The following FRMPD1 variants were observed in gnomAD, a reference collection of about 807,000 sequenced individuals.
FRMPD1 encodes the protein FERM and PDZ domain-containing protein 1.
In FRMPD1, 76 loss-of-function variants were observed where a neutral mutation model predicts 117.8. The observed-to-expected ratio is 0.65, with a 90% confidence interval of 0.54 to 0.78. The LOEUF (loss-of-function observed/expected upper bound fraction) is 0.78. Ranked by LOEUF, FRMPD1 falls within the 30% of genes least tolerant of loss-of-function variation. The pLI is 0.00. For synonymous variants in FRMPD1, 783 were observed against 770.4 expected (o/e 1.02, Z -0.27); for missense variants, 1,786 against 1,964.5 (o/e 0.91, Z 1.72).
chr9:37,734,208 C>A (rs560221158), intron 12 of FRMPD1, among the ~76,000 whole-genome samples: 2 of 152,100 alleles, frequency 1.3e-5, no homozygotes, highest in African/African-American at 4.8e-5. Context: ...CAAGAGGAAG[C>A]CTGAATTTGG....
the FRMPD1 span, among the ~76,000 whole-genome samples, chr9:37,620,330 G>A: frequency 6.6e-6 from 1 of 152,122 alleles, no homozygotes; most frequent in Non-Finnish European, 1.5e-5. Flanking sequence ...CCACTGACAA[G>A]GCACACAACT....
chr9:37,607,778 C>A, the FRMPD1 span, among the ~76,000 whole-genome samples: 6 of 152,162 alleles, frequency 3.9e-5, no homozygotes, highest in Admixed American at 3.9e-4. Context: ...TAATGAGAAA[C>A]CTCATGGTTT....
intron 9 of FRMPD1, 115 bp downstream of exon 9, chr9:37,731,218 T>C: frequency 1.1e-6 from 1 of 895,032 alleles, no homozygotes; most frequent in Non-Finnish European, 1.8e-6. Context: ...GGATTCTCTT[T>C]ATCTGAAGGA....
intron 12 of FRMPD1, among the ~76,000 whole-genome samples, chr9:37,734,814 C>A (rs1236538583): frequency 6.6e-6 from 1 of 152,076 alleles, no homozygotes; most frequent in African/African-American, 2.4e-5. Context: ...GGGAAAGAGA[C>A]TAGATCACAG....
chr9:37,676,985 A>G lies in FRMPD1; in HGVS notation c.-4-15653A>G, dbSNP rs116374126. On this transcript the variant is annotated intron_variant, in intron 1 of 15. Coordinates refer to ENST00000377765, the MANE Select transcript of FRMPD1 (RefSeq NM_014907.3). ...CTCTACCACACTCAGCACAGATCCC[A>G]GAGGAAAGAGGATCTAATGGAACGA... 3.4e-3 allele frequency among the ~76,000 whole-genome samples: 520 copies of G among 152,338 alleles called. 4 individuals are homozygous for G. The highest frequency in any genetic ancestry group is 0.012 in the African/African-American group (481 of 41,572).
the FRMPD1 span, among the ~76,000 whole-genome samples, chr9:37,630,350 T>C: frequency 6.6e-6 from 1 of 152,226 alleles, no homozygotes; most frequent in South Asian, 2.1e-4. Flanking sequence ...TCTTTCTTTT[T>C]CTTTTTCTTT....
chr9:37,671,403 CTT>C (rs1821347266), intron 1 of FRMPD1, among the ~76,000 whole-genome samples: 1 of 151,888 alleles, frequency 6.6e-6, no homozygotes, highest in Admixed American at 6.6e-5. Flanking sequence ...GTAGGGCTCT[CTT>C]TATAGGGCCT....
chr9:37,668,552 G>T (rs1821241921), intron 1 of FRMPD1: 1 of 152,334 alleles, frequency 6.6e-6, no homozygotes, highest in Non-Finnish European at 1.5e-5. Context: ...AAGAGGTGTG[G>T]ATTTCTTTCC....
chr9:37,653,590 C>A (rs1456032668), intron 1 of FRMPD1, among the ~76,000 whole-genome samples: 1 of 152,128 alleles, frequency 6.6e-6, no homozygotes, highest in Admixed American at 6.5e-5. Context: ...AAGGCTCAAT[C>A]CCTGCCTCAC....
chr9:37,610,497 GGTATAC>G, the FRMPD1 span, among the ~76,000 whole-genome samples: 1 of 151,518 alleles, frequency 6.6e-6, no homozygotes, highest in African/African-American at 2.4e-5. Flanking sequence ...AAAAACAAAT[GGTATAC>G]TGTTTACACT....
chr9:37,709,375 A>G (rs1199494800), intron 4 of FRMPD1, among the ~76,000 whole-genome samples: 1 of 146,396 alleles, frequency 6.8e-6, no homozygotes, highest in East Asian at 2.0e-4. Context: ...TTTTTTTGAG[A>G]TGGGGACTTG....
Position 37,697,365 on chromosome 9 carries a change from C to T in FRMPD1, c.101+4623C>T, listed in dbSNP as rs533823541. On this transcript the variant is annotated intron_variant, in intron 2 of 15. Coordinates refer to ENST00000377765, the MANE Select transcript of FRMPD1 (RefSeq NM_014907.3). ...CTGTAATCCCAGCACTTTGGGAGAC[C>T]ATTCTGGCTAACACGGTGAAATCCC... Among the ~76,000 whole-genome samples the T allele has an allele frequency of 1.7e-4, 26 of 151,990 alleles. No homozygotes were observed. The South Asian group carries it at 2.3e-3, about 13-fold the overall frequency.
At chr9:37,717,229 T>A (rs1323773576) in intron 5 of FRMPD1, among the ~76,000 whole-genome samples, 1 of 151,884 alleles carries the variant, frequency 6.6e-6, no homozygotes, top group Non-Finnish European at 1.5e-5. Context: ...GGTAACTCCA[T>A]ATTGGCTGTT....
intron 15 of FRMPD1, 88 bp from the exon 16 acceptor site, chr9:37,744,301 A>G: frequency 2.1e-6 from 2 of 943,944 alleles, no homozygotes; most frequent in Non-Finnish European, 3.2e-6. Context: ...CAGAATTTAA[A>G]CCCAGGAAAG....
intron 1 of FRMPD1, among the ~76,000 whole-genome samples, chr9:37,654,614 T>G (rs1043365577): frequency 6.6e-6 from 1 of 152,238 alleles, no homozygotes; most frequent in Admixed American, 6.5e-5. Context: ...GTACTTAGAA[T>G]AGTGCCAGTT....
At chr9:37,689,733 G>T (rs1007565652) in intron 1 of FRMPD1, among the ~76,000 whole-genome samples, 3 of 152,126 alleles carry the variant, frequency 2.0e-5, no homozygotes, top group Non-Finnish European at 4.4e-5. Context: ...AATTTTTAGA[G>T]ACCTGAACAT....
chr9:37,689,635 G>A (rs1490204515), intron 1 of FRMPD1, among the ~76,000 whole-genome samples: 2 of 152,088 alleles, frequency 1.3e-5, no homozygotes, highest in Non-Finnish European at 2.9e-5. Flanking sequence ...TTCCTAATAT[G>A]CTGGATCTCA....
chr9:37,715,081 G>C (rs1018054412), intron 5 of FRMPD1, among the ~76,000 whole-genome samples: 1 of 152,148 alleles, frequency 6.6e-6, no homozygotes, highest in African/African-American at 2.4e-5. Flanking sequence ...ATCCACAGTT[G>C]CAACATTAAT....
At chr9:37,662,625 C>A (rs1458083075) in intron 1 of FRMPD1, among the ~76,000 whole-genome samples, 1 of 152,180 alleles carries the variant, frequency 6.6e-6, no homozygotes, top group African/African-American at 2.4e-5. Flanking sequence ...ATGTTTGTTA[C>A]TACATAAAAA....
Sources: gnomAD v4.1 joint callset for allele counts (sites outside exome capture counted in the v4.1 genomes callset) on GRCh38, gnomAD v4.1.1 for gene constraint, MANE v1.5 for transcripts, NCBI Gene and HGNC (gene_info 2026-07-23, HGNC 2026-07-21) for gene names.